Variants in ITPKB observed in about 807,000 individuals in gnomAD.
ITPKB encodes inositol-trisphosphate 3-kinase B.
A neutral mutation model predicts 69.4 loss-of-function variants in ITPKB; 13 were observed. The ratio of observed to expected loss-of-function variants is 0.19; its 90% CI spans 0.12 to 0.30. ITPKB has a LOEUF of 0.30. ITPKB is among the 10% of genes least tolerant of loss of function. The pLI is 1.00. For missense variants in ITPKB, 1,240 were observed against 1,250.5 expected, an observed-to-expected ratio of 0.99 and a Z score of 0.13; for synonymous variants, 584 against 513.7, an observed-to-expected ratio of 1.14 and a Z score of -1.85.
chr1:226,635,521 C>G (rs954339275), intron 7 of ITPKB, among the ~76,000 whole-genome samples: 1 of 152,192 alleles, frequency 6.6e-6, no homozygotes, highest in Non-Finnish European at 1.5e-5. Context: ...TCACACTGCA[C>G]CTGGGCAAAC....
chr1:226,707,135 G>A lies in ITPKB; in HGVS notation c.1932+28392C>T, dbSNP rs748168159. 8.3e-5 allele frequency: 69 copies of A among 831,466 alleles called. 1 individual carries two copies. The highest frequency in any genetic ancestry group is 2.2e-5 in the Non-Finnish European group (15 of 689,638). 51.5% of individuals were successfully genotyped at this position (831,466 alleles called of 1,614,324 possible). On this transcript the variant is annotated intron_variant, in intron 2 of 7. Transcript: ENST00000429204. ...TTTCACAAGGAAATAAAGGGACCTA[G>A]TAGAATAATTCAGAATAAAAACATT...
chr1:226,652,533 A>T (rs1669214677), intron 2 of ITPKB, among the ~76,000 whole-genome samples: 1 of 152,206 alleles, frequency 6.6e-6, no homozygotes. Context: ...GATATTCAAG[A>T]GTGAGCTCTC....
chr1:226,736,040 G>T lies in ITPKB; in HGVS notation c.1419C>A (p.Gly473=), dbSNP rs531505083. 4.3e-6 allele frequency: 7 copies of T among 1,613,406 alleles called. No individual in the cohort carries two copies. The South Asian group carries it at 7.7e-5, about 18-fold the overall frequency. ...TGNVEAGIPS[G]RMLEPLPCWD... ...AACAGGGCAAAGGCTCCAGCATTCT[G>T]CCAGAAGGAATTCCCGCCTCCACAT... is the stretch of plus-strand genomic sequence containing the variant. Residue 473 remains glycine (G), a synonymous_variant, in exon 2 of 8, where the codon GGC becomes GGA. Coordinates refer to ENST00000429204, the MANE Select transcript of ITPKB (RefSeq NM_002221.4).
chr1:226,712,051 T>C (rs1656973328), intron 2 of ITPKB, among the ~76,000 whole-genome samples: 1 of 152,188 alleles, frequency 6.6e-6, no homozygotes, highest in Non-Finnish European at 1.5e-5. Flanking sequence ...GGAAATGTTC[T>C]CCCCGGTGGT....
intron 2 of ITPKB, among the ~76,000 whole-genome samples, chr1:226,680,809 T>C (rs939535895): frequency 1.3e-5 from 2 of 152,152 alleles, no homozygotes; most frequent in African/African-American, 2.4e-5. Context: ...TTGAAGCCCA[T>C]AGGGCACAGG....
At chr1:226,671,581 CAAAT>C (rs771105920) in intron 2 of ITPKB, among the ~76,000 whole-genome samples, 6 of 152,170 alleles carry the variant, frequency 3.9e-5, no homozygotes, top group Non-Finnish European at 7.4e-5. Flanking sequence ...AGATGATAAA[CAAAT>C]AAAGACATAT....
At chr1:226,683,031 C>T (rs988566894) in intron 2 of ITPKB, among the ~76,000 whole-genome samples, 4 of 152,226 alleles carry the variant, frequency 2.6e-5, no homozygotes, top group Admixed American at 6.5e-5. Flanking sequence ...AGACTCACAC[C>T]TGCCTTTTCC....
rs1350556368 is a variant in ITPKB at position 226,672,813 on chromosome 1, T to C, written c.1933-24042A>G. On this transcript the variant is annotated intron_variant, in intron 2 of 7. Coordinates refer to ENST00000429204, the MANE Select transcript of ITPKB (RefSeq NM_002221.4). ...GTGTTATCACTACATAAATCCCAGATTTGATCAGGCAATGTAGCCATCTCA... is the reference window on the plus strand; with the variant it reads ...GTGTTATCACTACATAAATCCCAGACTTGATCAGGCAATGTAGCCATCTCA... Among the ~76,000 whole-genome samples the C allele has an allele frequency of 6.6e-5, 10 of 152,176 alleles. No homozygotes were observed. In the East Asian group the frequency reaches 1.5e-3, roughly 23 times the overall value.
At chr1:226,730,453 T>C (rs1484855316) in intron 2 of ITPKB, among the ~76,000 whole-genome samples, 1 of 152,136 alleles carries the variant, frequency 6.6e-6, no homozygotes, top group African/African-American at 2.4e-5. Flanking sequence ...ATGATGCCAA[T>C]TCTACCCAGT....
At position 226,660,286 on chromosome 1, in the gene ITPKB, G is replaced by A. The variant is rs553182622; in HGVS notation, c.1933-11515C>T. Among the ~76,000 whole-genome samples the A allele has an allele frequency of 1.8e-4, 28 of 152,336 alleles. No individual in the cohort carries two copies. In the South Asian group the frequency reaches 5.8e-3, roughly 32 times the overall value. On this transcript the variant is annotated intron_variant, in intron 2 of 7. Transcript: ENST00000429204. ...TATCCTGCAGGAGCCAGGGACACTG[G>A]AGACACCAGCAAAGAATGCTCTTCC...
chr1:226,724,268 C>A (rs1657339351), intron 2 of ITPKB, among the ~76,000 whole-genome samples: 1 of 152,132 alleles, frequency 6.6e-6, no homozygotes, highest in South Asian at 2.1e-4. Flanking sequence ...CTTCTGTGCT[C>A]AGCAGAGCAA....
chr1:226,678,112 C>G (rs1469113952), intron 2 of ITPKB, among the ~76,000 whole-genome samples: 1 of 152,134 alleles, frequency 6.6e-6, no homozygotes, highest in Non-Finnish European at 1.5e-5. Flanking sequence ...TTGTCCAACT[C>G]CAGAATATAC....
At position 226,737,579 on chromosome 1, in the gene ITPKB, G is replaced by C; in HGVS notation, c.-121C>G. 8.3e-7 allele frequency: 1 copy of C among 1,203,672 alleles called. No individual in the cohort carries two copies. The highest frequency in any genetic ancestry group is 1.0e-6 in the Non-Finnish European group (1 of 972,654). The allele number at this position is 1,203,672 out of a possible 1,614,324, so 74.6% of individuals were successfully genotyped here. On this transcript the variant is annotated 5_prime_UTR_variant, in exon 2 of 8. The change creates a new upstream start codon in the 5' untranslated region. Transcript: ENST00000429204. Reference sequence around the variant, plus strand: ...CCCGGCAGCCGCGGCTCCGCGCGCAGATGGGGCGGCATGGCCTGGGCAGCG... The same window carrying C: ...CCCGGCAGCCGCGGCTCCGCGCGCACATGGGGCGGCATGGCCTGGGCAGCG...
intron 2 of ITPKB, among the ~76,000 whole-genome samples, chr1:226,655,083 G>T (rs1266792916): frequency 6.6e-6 from 1 of 151,678 alleles, no homozygotes. Flanking sequence ...GAGGAGGGGA[G>T]GAGGAAGAGG....
chr1:226,649,301 ATG>A (rs1387374884), intron 2 of ITPKB, among the ~76,000 whole-genome samples: 30 of 145,794 alleles, frequency 2.1e-4, no homozygotes, highest in East Asian at 4.0e-4. Context: ...GTGTGTGTGC[ATG>A]TGTGTGTGCA....
chr1:226,730,643 CAA>C (rs1657563675), intron 2 of ITPKB, among the ~76,000 whole-genome samples: 1 of 152,084 alleles, frequency 6.6e-6, no homozygotes, highest in Non-Finnish European at 1.5e-5. Flanking sequence ...CCTGATTATC[CAA>C]AGTCTGTAGT....
At chr1:226,714,060 T>C (rs1657037364) in intron 2 of ITPKB, among the ~76,000 whole-genome samples, 1 of 152,196 alleles carries the variant, frequency 6.6e-6, no homozygotes, top group African/African-American at 2.4e-5. Flanking sequence ...TGTGTGTGCT[T>C]GAACATTTCA....
intron 2 of ITPKB, among the ~76,000 whole-genome samples, chr1:226,654,937 GA>G (rs1372773418): frequency 2.0e-5 from 3 of 151,752 alleles, no homozygotes; most frequent in African/African-American, 7.3e-5. Context: ...GAAGAGTGAA[GA>G]GGGGGAGGAG....
At chr1:226,650,345 C>A (rs867931690) in intron 2 of ITPKB, among the ~76,000 whole-genome samples, 29 of 152,190 alleles carry the variant, frequency 1.9e-4, no homozygotes, top group African/African-American at 6.3e-4. Context: ...CCGCCAAGAC[C>A]AATTCTATTC....
Sources: allele counts gnomAD v4.1 joint callset (sites outside exome capture counted in the v4.1 genomes callset), GRCh38; gene constraint gnomAD v4.1.1; transcripts MANE v1.5; gene names NCBI Gene and HGNC (gene_info 2026-07-23, HGNC 2026-07-21).